IMPG2: variants seen among roughly 807,000 people sequenced by gnomAD.
The protein encoded by IMPG2 is interphotoreceptor matrix proteoglycan 2, also known as IPM 200.
A neutral mutation model predicts 129.2 loss-of-function variants in IMPG2; 91 were observed. The ratio of observed to expected loss-of-function variants is 0.70; its 90% CI spans 0.59 to 0.84. The LOEUF (loss-of-function observed/expected upper bound fraction) is 0.84. Ranked by LOEUF, IMPG2 falls within the 40% of genes least tolerant of loss-of-function variation. The probability of loss-of-function intolerance (pLI) is 0.00; values close to 1 mark genes in which losing one functional copy is unlikely to be tolerated. For synonymous variants in IMPG2, 510 were observed against 517.7 expected (o/e 0.99, Z 0.20); for missense variants, 1,430 against 1,461.7 (o/e 0.98, Z 0.35).
chr3:101,231,160 C>T lies in IMPG2; in HGVS notation c.3234-15G>A, dbSNP rs182467523. On this transcript the variant is annotated splice_polypyrimidine_tract_variant and intron_variant, in intron 15 of 18. Transcript: ENST00000193391. ...CCACCCGGCACCTGCAACCAACAGT[C>T]ACCAAGTCCGATATCTGAATCACTC... 1.7e-5 allele frequency: 28 copies of T among 1,613,506 alleles called. No homozygotes were observed. Among genetic ancestry groups the T allele is most frequent in the Non-Finnish European group, 2.4e-5 (28 of 1,179,688 alleles).
intron 17 of IMPG2, 79 bp downstream of exon 17, chr3:101,229,301 C>G: frequency 2.4e-6 from 2 of 840,994 alleles, no homozygotes; most frequent in Non-Finnish European, 4.0e-6. Context: ...CTCATACACA[C>G]CCCCACCCAC....
At chr3:101,296,812 G>A (rs1156387021) in intron 3 of IMPG2, among the ~76,000 whole-genome samples, 1 of 152,012 alleles carries the variant, frequency 6.6e-6, no homozygotes, top group African/African-American at 2.4e-5. Context: ...GTCTTGGGAG[G>A]GTGTATGTGT....
chr3:101,230,276 A>G (rs963347932), intron 16 of IMPG2, among the ~76,000 whole-genome samples: 7 of 152,224 alleles, frequency 4.6e-5, no homozygotes, highest in Admixed American at 6.5e-5. Flanking sequence ...AAAGTACAAT[A>G]TGTGATTATG....
chr3:101,227,084 A>G (rs1559638099), intron 18 of IMPG2, 103 bp from the exon 19 acceptor site: 3 of 1,259,722 alleles, frequency 2.4e-6, no homozygotes, highest in East Asian at 4.7e-5. Flanking sequence ...AAAATCATGA[A>G]TACTTTCTAT....
intron 10 of IMPG2, among the ~76,000 whole-genome samples, chr3:101,254,797 G>A (rs986678269): frequency 6.6e-6 from 1 of 152,024 alleles, no homozygotes; most frequent in African/African-American, 2.4e-5. Flanking sequence ...TTGAAGGTGG[G>A]GCCTGGTGGG....
At chr3:101,232,746 A>T in intron 15 of IMPG2, 35 bp downstream of exon 15, 1 of 1,561,068 alleles carries the variant, frequency 6.4e-7, no homozygotes, top group Non-Finnish European at 8.8e-7. Flanking sequence ...AAATATCTAT[A>T]GCCTCTAAAG....
intron 14 of IMPG2, among the ~76,000 whole-genome samples, chr3:101,234,109 C>CATATTCCAA (rs1706319732): frequency 6.7e-6 from 1 of 150,204 alleles, no homozygotes; most frequent in Non-Finnish European, 1.5e-5. Context: ...CATCCAGAAC[C>CATATTCCAA]GCAGAATATG....
chr3:101,252,007 A>G (rs768613967), intron 11 of IMPG2, among the ~76,000 whole-genome samples: 8 of 152,182 alleles, frequency 5.3e-5, no homozygotes, highest in Non-Finnish European at 7.4e-5. Context: ...TCAATTGTTA[A>G]TGATTGTCCT....
intron 10 of IMPG2, among the ~76,000 whole-genome samples, chr3:101,256,165 GAA>G (rs1353556633): frequency 1.6e-5 from 2 of 123,870 alleles, no homozygotes; most frequent in African/African-American, 6.1e-5. Flanking sequence ...AAGAAAGAAA[GAA>G]AGAAAGAAAG....
intron 4 of IMPG2, 85 bp from the exon 5 acceptor site, chr3:101,276,798 G>A (rs2107253966): frequency 1.1e-5 from 11 of 983,744 alleles, no homozygotes; most frequent in South Asian, 1.1e-4. Context: ...TTCCAAAAAG[G>A]AAAGCACTAG....
Position 101,319,734 on chromosome 3 carries a change from T to G in IMPG2, c.184A>C (p.Lys62Gln). The G allele has an allele frequency of 6.2e-7, 1 of 1,613,680 alleles. No individual in the cohort carries two copies. The highest frequency in any genetic ancestry group is 1.3e-5 in the African/African-American group (1 of 75,014). ...ESTDLSLATK[K>Q]KQPLDRRETE... ...TCTCTGCGGTCCAGAGGCTGTTTCT[T>G]TTTGGTAGCTAGAGAAAGGTCTGTT... The change falls in exon 2 of 19, where the codon AAG becomes CAG. Residue 62 changes from lysine to glutamine, a missense_variant. Coordinates refer to ENST00000193391, the MANE Select transcript of IMPG2 (RefSeq NM_016247.4).
At chr3:101,256,002 G>A (rs530480963) in intron 10 of IMPG2, among the ~76,000 whole-genome samples, 108 of 150,434 alleles carry the variant, frequency 7.2e-4, no homozygotes, top group African/African-American at 2.5e-3. Flanking sequence ...AAAAACGTTA[G>A]TCCAGCAGCC....
At chr3:101,319,555 G>A (rs765041400) in intron 2 of IMPG2, 29 bp downstream of exon 2, 1 of 1,611,640 alleles carries the variant, frequency 6.2e-7, no homozygotes, top group South Asian at 1.1e-5. Context: ...ATTTCATTAT[G>A]GAGCTGAAGG....
chr3:101,269,201 C>A (rs542335087), intron 8 of IMPG2, among the ~76,000 whole-genome samples: 1,011 of 27,830 alleles, frequency 0.036, 9 homozygotes, highest in Non-Finnish European at 0.06. Context: ...GGGGCCACAT[C>A]TCGTCTGCCT....
At chr3:101,317,305 G>A (rs1174383635) in intron 2 of IMPG2, among the ~76,000 whole-genome samples, 1 of 151,802 alleles carries the variant, frequency 6.6e-6, no homozygotes, top group East Asian at 1.9e-4. Flanking sequence ...AAAAGAGAGG[G>A]GCATCCTAGT....
chr3:101,281,183 T>C (rs762062458), intron 4 of IMPG2, among the ~76,000 whole-genome samples: 53 of 152,314 alleles, frequency 3.5e-4, no homozygotes, highest in Non-Finnish European at 6.2e-4. Context: ...GCACTCGTTA[T>C]TGGGGATGTA....
intron 9 of IMPG2, among the ~76,000 whole-genome samples, chr3:101,265,489 T>C (rs1410697938): frequency 6.6e-6 from 1 of 151,962 alleles, no homozygotes; most frequent in Non-Finnish European, 1.5e-5. Flanking sequence ...AAACTGGATA[T>C]CCATATGCAG....
rs1433682917 is a variant in IMPG2 at position 101,231,142 on chromosome 3, G to A, written c.3237C>T (p.Cys1079=). 1 of 1,613,852 alleles carries A rather than the reference G, an allele frequency of 6.2e-7. No homozygotes were observed. Among genetic ancestry groups the A allele is most frequent in the Non-Finnish European group, 8.5e-7 (1 of 1,179,952 alleles). ...IMPGHGAICR[C]RVGENWWYRG... Reference sequence around the variant, plus strand: ...GGTACCACCAGTTCTCACCCACCCGGCACCTGCAACCAACAGTCACCAAGT... The same window carrying A: ...GGTACCACCAGTTCTCACCCACCCGACACCTGCAACCAACAGTCACCAAGT... The change falls in exon 16 of 19, where the codon TGC becomes TGT. Residue 1079 remains cysteine (C), a synonymous_variant. Coordinates refer to ENST00000193391, the MANE Select transcript of IMPG2 (RefSeq NM_016247.4).
At chr3:101,228,232 G>A (rs928105874) in intron 18 of IMPG2, among the ~76,000 whole-genome samples, 2 of 152,174 alleles carry the variant, frequency 1.3e-5, no homozygotes, top group African/African-American at 4.8e-5. Context: ...GGAAAATTAA[G>A]ATAAACTTGA....
Sources: gnomAD v4.1 joint callset for allele counts (sites outside exome capture counted in the v4.1 genomes callset) on GRCh38, gnomAD v4.1.1 for gene constraint, MANE v1.5 for transcripts, NCBI Gene and HGNC (gene_info 2026-07-23, HGNC 2026-07-21) for gene names.